The following IQCJ variants were observed in gnomAD, a reference collection of about 807,000 sequenced individuals.
The protein encoded by IQCJ is IQ motif containing J, also known as IQ domain-containing protein J.
In IQCJ, 9 loss-of-function variants were observed where a neutral mutation model predicts 11.0. That is an observed-to-expected ratio of 0.82 (90% CI 0.49 to 1.43). The LOEUF is 1.43. IQCJ is among the 40% of genes most tolerant of loss of function. The pLI is 0.00. For missense variants in IQCJ, 146 were observed against 133.2 expected (o/e 1.10, Z -0.47); for synonymous variants, 55 against 51.3 (o/e 1.07, Z -0.31).
rs181911034 is a variant in IQCJ, at chr3:159,183,737, G to A, written c.10-62106G>A. On this transcript the variant is annotated intron_variant, in intron 1 of 3. Coordinates refer to ENST00000397832, the MANE Select transcript of IQCJ (RefSeq NM_001042706.3). Reference sequence around the variant, plus strand: ...TTATACTGTCACAATACACATAAAAGGCAGTGTGGAGGATCAGGTGAGACA... The same window carrying A: ...TTATACTGTCACAATACACATAAAAAGCAGTGTGGAGGATCAGGTGAGACA... Among the ~76,000 whole-genome samples the A allele has an allele frequency of 1.8e-4, 28 of 152,206 alleles. No individual in the cohort carries two copies. The East Asian group carries it at 4.2e-3, about 23-fold the overall frequency.
intron 1 of IQCJ, among the ~76,000 whole-genome samples, chr3:159,222,960 G>T (rs1353969506): frequency 6.6e-6 from 1 of 152,038 alleles, no homozygotes; most frequent in Non-Finnish European, 1.5e-5. Context: ...TGTGCAGAAA[G>T]TGTATGTGAC....
intron 1 of IQCJ, among the ~76,000 whole-genome samples, chr3:159,206,134 T>A (rs1297536093): frequency 1.3e-5 from 2 of 152,228 alleles, no homozygotes; most frequent in Non-Finnish European, 2.9e-5. Context: ...GAATCTTTCT[T>A]CTTCAATTAT....
At chr3:159,212,662 G>T (rs191155620) in intron 1 of IQCJ, among the ~76,000 whole-genome samples, 24 of 152,226 alleles carry the variant, frequency 1.6e-4, no homozygotes, top group African/African-American at 5.1e-4. Flanking sequence ...GATTTCTACA[G>T]CCCACTGTCT....
intron 1 of IQCJ, among the ~76,000 whole-genome samples, chr3:159,078,542 C>A (rs538017493): frequency 2.0e-5 from 3 of 150,552 alleles, no homozygotes; most frequent in Non-Finnish European, 4.4e-5. Context: ...TTGGCCCACC[C>A]GCCCCCCGCC....
intron 1 of IQCJ, among the ~76,000 whole-genome samples, chr3:159,200,418 T>A (rs1367858514): frequency 6.6e-6 from 1 of 152,166 alleles, no homozygotes. Context: ...CCTGGATTTC[T>A]TCATGAATCA....
chr3:159,115,153 A>C (rs1718893092), intron 1 of IQCJ, among the ~76,000 whole-genome samples: 1 of 152,134 alleles, frequency 6.6e-6, no homozygotes, highest in African/African-American at 2.4e-5. Context: ...GCAATCCCCA[A>C]ATCTCAGTGG....
At position 159,224,865 on chromosome 3, in the gene IQCJ, A is replaced by C. The variant is rs139719760; in HGVS notation, c.10-20978A>C. On this transcript the variant is annotated intron_variant, in intron 1 of 3. Transcript: ENST00000397832. ...CATTTAAAAAATTTAAATATATAAC[A>C]AATTCTTTTTTAAATGGGAAACACA... 1.5e-3 allele frequency among the ~76,000 whole-genome samples: 232 copies of C among 152,320 alleles called. 1 individual carries two copies. The highest frequency in any genetic ancestry group is 5.3e-3 in the African/African-American group (222 of 41,584).
chr3:159,265,291 G>A (rs760713386), downstream of IQCJ: 4 of 1,613,880 alleles, frequency 2.5e-6, no homozygotes, highest in South Asian at 4.4e-5. Flanking sequence ...AAGTTGCCTG[G>A]TGGAAGGAAG....
At chr3:159,197,025 T>C (rs774378752) in intron 1 of IQCJ, among the ~76,000 whole-genome samples, 4 of 152,162 alleles carry the variant, frequency 2.6e-5, no homozygotes, top group Admixed American at 6.5e-5. Context: ...CTCTTTGTCT[T>C]CATTAAAGGC....
chr3:159,205,062 A>G (rs147955968), intron 1 of IQCJ, among the ~76,000 whole-genome samples: 13 of 152,258 alleles, frequency 8.5e-5, no homozygotes, highest in Non-Finnish European at 1.6e-4. Flanking sequence ...GCACCATGCA[A>G]AGTCTCTCTG....
chr3:159,088,871 C>G (rs1316535369), intron 1 of IQCJ, among the ~76,000 whole-genome samples: 5 of 152,084 alleles, frequency 3.3e-5, no homozygotes, highest in African/African-American at 1.2e-4. Flanking sequence ...GACTCTTTAT[C>G]CAATTTGCCA....
chr3:159,234,741 T>C (rs1259758185), intron 1 of IQCJ, among the ~76,000 whole-genome samples: 1 of 152,036 alleles, frequency 6.6e-6, no homozygotes, highest in East Asian at 1.9e-4. Flanking sequence ...ACAAGGGTGG[T>C]AGTGGAGGGG....
chr3:159,114,730 G>A (rs559416854), intron 1 of IQCJ, among the ~76,000 whole-genome samples: 1 of 152,252 alleles, frequency 6.6e-6, no homozygotes, highest in African/African-American at 2.4e-5. Flanking sequence ...AGTGCTCTGC[G>A]CATCTGCCAC....
In IQCJ at chr3:159,206,008, A is replaced by G. The variant is rs1724638266; in HGVS notation, c.10-39835A>G. 1.3e-5 allele frequency among the ~76,000 whole-genome samples: 2 copies of G among 152,016 alleles called. 1 individual carries two copies. The highest frequency in any genetic ancestry group is 1.3e-4 in the Admixed American group (2 of 15,248). On this transcript the variant is annotated intron_variant, in intron 1 of 3. Coordinates refer to ENST00000397832, the MANE Select transcript of IQCJ (RefSeq NM_001042706.3). ...GTGCCTTAATTTCTCTCTGCCACAGATTTTTCTTCTTTTCTTTATCTTCTC... is the reference window on the plus strand; with the variant it reads ...GTGCCTTAATTTCTCTCTGCCACAGGTTTTTCTTCTTTTCTTTATCTTCTC...
chr3:159,165,037 G>A (rs1722086638), intron 1 of IQCJ, among the ~76,000 whole-genome samples: 1 of 151,906 alleles, frequency 6.6e-6, no homozygotes, highest in African/African-American at 2.4e-5. Flanking sequence ...CCAAAATTAG[G>A]CACATGATTA....
chr3:159,124,295 A>G (rs533954109), intron 1 of IQCJ, among the ~76,000 whole-genome samples: 1 of 152,286 alleles, frequency 6.6e-6, no homozygotes, highest in Non-Finnish European at 1.5e-5. Context: ...TCCGACGCAG[A>G]TCCACTTTGT....
chr3:159,191,205 C>T (rs1409911089), intron 1 of IQCJ, among the ~76,000 whole-genome samples: 1 of 152,108 alleles, frequency 6.6e-6, no homozygotes, highest in African/African-American at 2.4e-5. Flanking sequence ...AAACACAGTT[C>T]CTGGCTAGAC....
chr3:159,180,764 G>A (rs1723049204), intron 1 of IQCJ, among the ~76,000 whole-genome samples: 1 of 152,066 alleles, frequency 6.6e-6, no homozygotes, highest in Admixed American at 6.5e-5. Flanking sequence ...GGCAAAATAA[G>A]TAAATAAAAA....
intron 2 of IQCJ, 123 bp downstream of exon 2, chr3:159,246,030 G>T (rs1404847139): frequency 1.4e-6 from 1 of 716,398 alleles, no homozygotes; most frequent in African/African-American, 1.8e-5. Flanking sequence ...TGTGGTCAGA[G>T]CCCAGAAATG....
Sources: allele counts gnomAD v4.1 joint callset (sites outside exome capture counted in the v4.1 genomes callset), GRCh38; gene constraint gnomAD v4.1.1; transcripts MANE v1.5; gene names NCBI Gene and HGNC (gene_info 2026-07-23, HGNC 2026-07-21).